Variants in CCSER1 observed in about 807,000 individuals in gnomAD.
The protein encoded by CCSER1 is serine-rich coiled-coil domain-containing protein 1.
Under a neutral mutation model 82.0 loss-of-function variants are expected in CCSER1, and 41 were observed. That is an observed-to-expected ratio of 0.50 (90% CI 0.39 to 0.65). The LOEUF is 0.65. Ranked by LOEUF, CCSER1 falls within the 30% of genes least tolerant of loss-of-function variation. The pLI is 0.00. For missense variants in CCSER1, 1,119 were observed against 1,064.2 expected, an observed-to-expected ratio of 1.05 and a Z score of -0.72; for synonymous variants, 414 against 383.9, an observed-to-expected ratio of 1.08 and a Z score of -0.92.
intron 8 of CCSER1, among the ~76,000 whole-genome samples, chr4:90,864,581 A>G (rs902044072): frequency 6.6e-6 from 1 of 152,020 alleles, no homozygotes; most frequent in African/African-American, 2.4e-5. Flanking sequence ...AGCCTTCAGT[A>G]CCATTCAGCC....
intron 5 of CCSER1, among the ~76,000 whole-genome samples, chr4:90,508,819 T>G (rs1362834380): frequency 1.3e-5 from 2 of 152,062 alleles, no homozygotes; most frequent in African/African-American, 4.8e-5. Flanking sequence ...AATTAAGCAC[T>G]TAAGCTCATT....
intron 5 of CCSER1, among the ~76,000 whole-genome samples, chr4:90,607,364 T>G (rs946968939): frequency 8.5e-5 from 13 of 152,204 alleles, no homozygotes; most frequent in African/African-American, 2.7e-4. Flanking sequence ...TTGCTAAGGC[T>G]GCCATACCAA....
intron 10 of CCSER1, among the ~76,000 whole-genome samples, chr4:91,384,117 C>T (rs1291985615): frequency 1.3e-5 from 2 of 151,924 alleles, no homozygotes; most frequent in African/African-American, 4.8e-5. Flanking sequence ...GATGTTTGCC[C>T]TAAATATTGC....
rs983805670 is a variant in CCSER1, at chr4:90,263,170, C to A, written c.-41-45074C>A. On this transcript the variant is annotated intron_variant, in intron 1 of 10. Coordinates refer to ENST00000509176, the MANE Select transcript of CCSER1 (RefSeq NM_001145065.2). ...AGATCTGGGACTCAAGTCCTGCCAT[C>A]CGGATTCTTTTGTCCCATGGCATGT... 8.5e-5 allele frequency among the ~76,000 whole-genome samples: 13 copies of A among 152,330 alleles called. No individual in the cohort carries two copies. The South Asian group carries it at 2.5e-3, about 29-fold the overall frequency.
intron 10 of CCSER1, among the ~76,000 whole-genome samples, chr4:91,524,621 A>C (rs1760677221): frequency 6.6e-6 from 1 of 152,168 alleles, no homozygotes; most frequent in Non-Finnish European, 1.5e-5. Context: ...AGATAACAAA[A>C]GAGAATGAGA....
chr4:90,158,643 CA>C (rs1728812875), intron 1 of CCSER1, among the ~76,000 whole-genome samples: 2 of 152,190 alleles, frequency 1.3e-5, no homozygotes. Flanking sequence ...GCTGTGCTAG[CA>C]ATCAGTGAGA....
intron 10 of CCSER1, among the ~76,000 whole-genome samples, chr4:91,367,192 C>A (rs1183016940): frequency 6.7e-6 from 1 of 148,936 alleles, no homozygotes; most frequent in African/African-American, 2.5e-5. Flanking sequence ...TGGATTGAAC[C>A]TGTAGTCGAA....
intron 8 of CCSER1, among the ~76,000 whole-genome samples, chr4:90,820,358 C>A (rs1332614252): frequency 2.0e-5 from 3 of 152,094 alleles, no homozygotes; most frequent in Admixed American, 6.6e-5. Context: ...AAATATATTT[C>A]TCATAGTTCT....
At chr4:90,629,065 T>A (rs1231570535) in intron 6 of CCSER1, among the ~76,000 whole-genome samples, 1 of 152,166 alleles carries the variant, frequency 6.6e-6, no homozygotes, top group African/African-American at 2.4e-5. Flanking sequence ...ATTGGAGATA[T>A]TAATAAAGAA....
chr4:90,917,419 AAAAC>A (rs1476844789), intron 8 of CCSER1, among the ~76,000 whole-genome samples: 3 of 152,170 alleles, frequency 2.0e-5, no homozygotes, highest in Non-Finnish European at 4.4e-5. Flanking sequence ...CAAGGACAAA[AAAAC>A]AAACACCGCA....
intron 6 of CCSER1, among the ~76,000 whole-genome samples, chr4:90,691,651 A>G (rs541163411): frequency 1.4e-3 from 211 of 151,758 alleles, no homozygotes; most frequent in African/African-American, 5.0e-3. Context: ...ATGTATATAT[A>G]CACACATGCA....
At chr4:91,157,911 C>A (rs917771583) in intron 10 of CCSER1, among the ~76,000 whole-genome samples, 5 of 151,966 alleles carry the variant, frequency 3.3e-5, no homozygotes, top group African/African-American at 9.7e-5. Context: ...TAAATCATTT[C>A]TTCAGGCAAT....
chr4:90,339,115 C>T (rs190149060), intron 3 of CCSER1, among the ~76,000 whole-genome samples: 72 of 152,290 alleles, frequency 4.7e-4, no homozygotes, highest in African/African-American at 1.3e-3. Context: ...TTCTATAGAA[C>T]TCCAGACTAG....
At chr4:91,016,956 A>C (rs1188751474) in intron 9 of CCSER1, among the ~76,000 whole-genome samples, 1 of 152,124 alleles carries the variant, frequency 6.6e-6, no homozygotes, top group African/African-American at 2.4e-5. Flanking sequence ...GACAAGGAAA[A>C]ATCTTGTAGA....
chr4:91,102,042 C>T (rs949966983), intron 10 of CCSER1, among the ~76,000 whole-genome samples: 3 of 151,862 alleles, frequency 2.0e-5, no homozygotes, highest in African/African-American at 7.3e-5. Flanking sequence ...ATGGGGGAGA[C>T]TTATGAGGCC....
intron 4 of CCSER1, among the ~76,000 whole-genome samples, chr4:90,415,251 G>A (rs1019892791): frequency 6.6e-6 from 1 of 152,146 alleles, no homozygotes; most frequent in Non-Finnish European, 1.5e-5. Context: ...GATTTGAATC[G>A]GGAATAATTT....
At chr4:91,187,339 T>C (rs190934941) in intron 10 of CCSER1, among the ~76,000 whole-genome samples, 175 of 152,328 alleles carry the variant, frequency 1.1e-3, no homozygotes, top group African/African-American at 4.1e-3. Context: ...TCTTTTTACC[T>C]GGGTAGTATT....
At chr4:91,243,860 T>C (rs1739563434) in intron 10 of CCSER1, among the ~76,000 whole-genome samples, 1 of 152,152 alleles carries the variant, frequency 6.6e-6, no homozygotes, top group African/African-American at 2.4e-5. Context: ...GGTGAAAGAC[T>C]CCTTCTGTTT....
intron 7 of CCSER1, among the ~76,000 whole-genome samples, chr4:90,770,358 C>T (rs1237867956): frequency 2.6e-5 from 4 of 152,036 alleles, no homozygotes; most frequent in Non-Finnish European, 4.4e-5. Flanking sequence ...TGTTTGCTAC[C>T]AAATATTATG....
Sources: gnomAD v4.1 joint callset for allele counts (sites outside exome capture counted in the v4.1 genomes callset) on GRCh38, gnomAD v4.1.1 for gene constraint, MANE v1.5 for transcripts, NCBI Gene and HGNC (gene_info 2026-07-23, HGNC 2026-07-21) for gene names.